The following PDE8A variants were observed in gnomAD, a reference collection of about 807,000 sequenced individuals.
The protein encoded by PDE8A is phosphodiesterase 8A, also known as high affinity cAMP-specific and IBMX-insensitive 3',5'-cyclic phosphodiesterase 8A.
In PDE8A, 59 loss-of-function variants were observed where a neutral mutation model predicts 105.0. That is an observed-to-expected ratio of 0.56 (90% CI 0.46 to 0.70). The LOEUF (loss-of-function observed/expected upper bound fraction) is 0.70. Ranked by LOEUF, PDE8A falls within the 30% of genes least tolerant of loss-of-function variation. PDE8A has a pLI of 0.00. For missense variants in PDE8A, 1,014 were observed against 1,045.9 expected (o/e 0.97, Z 0.42); for synonymous variants, 355 against 371.9 (o/e 0.95, Z 0.52).
intron 5 of PDE8A, among the ~76,000 whole-genome samples, chr15:85,083,343 A>C (rs534771537): frequency 6.6e-6 from 1 of 152,120 alleles, no homozygotes; most frequent in East Asian, 1.9e-4. Context: ...AGGCTACTAA[A>C]TGATAGAAGG....
At chr15:85,043,408 C>T (rs1439026259) in intron 1 of PDE8A, among the ~76,000 whole-genome samples, 1 of 152,082 alleles carries the variant, frequency 6.6e-6, no homozygotes, top group African/African-American at 2.4e-5. Context: ...AGTCTGGCCT[C>T]CATGATTTTA....
At chr15:85,066,027 AT>A (rs11308498) in intron 2 of PDE8A, among the ~76,000 whole-genome samples, 68,441 of 151,360 alleles carry the variant, frequency 0.45, 15,507 homozygotes, top group Middle Eastern at 0.56. Flanking sequence ...AATCAAAGCA[AT>A]TTTTTTTTTA....
chr15:85,115,184 T>G, intron 14 of PDE8A: 1 of 451,758 alleles, frequency 2.2e-6, no homozygotes, highest in Non-Finnish European at 3.9e-6. Context: ...ACCTCCCGGG[T>G]GTTGACCTTG....
chr15:85,050,790 C>T lies in PDE8A; in HGVS notation c.187-13580C>T, dbSNP rs144840046. Among the ~76,000 whole-genome samples, 14 of 152,120 alleles carry T rather than the reference C, an allele frequency of 9.2e-5. No homozygotes were observed. The East Asian group carries it at 2.7e-3, about 29-fold the overall frequency. ...TCTTTTCAGGATTGTTTTGGCTATTCGAGATCCCTTGAGATTCCATATGAA... is the reference window on the plus strand; with the variant it reads ...TCTTTTCAGGATTGTTTTGGCTATTTGAGATCCCTTGAGATTCCATATGAA... On this transcript the variant is annotated intron_variant, in intron 1 of 21. Coordinates refer to ENST00000394553, the MANE Select transcript of PDE8A (RefSeq NM_002605.3).
intron 1 of PDE8A, among the ~76,000 whole-genome samples, chr15:85,017,230 C>T (rs945534969): frequency 3.3e-5 from 5 of 150,350 alleles, no homozygotes; most frequent in South Asian, 4.2e-4. Context: ...CACTGCAGTC[C>T]GCAGTCCGGC....
intron 11 of PDE8A, among the ~76,000 whole-genome samples, chr15:85,103,538 G>C (rs1008753448): frequency 2.6e-5 from 4 of 152,216 alleles, no homozygotes; most frequent in Non-Finnish European, 4.4e-5. Flanking sequence ...CCATGGGCCA[G>C]CCAAAGTCCT....
intron 1 of PDE8A, among the ~76,000 whole-genome samples, chr15:85,051,812 A>G (rs1339158554): frequency 6.6e-6 from 1 of 152,100 alleles, no homozygotes; most frequent in East Asian, 1.9e-4. Context: ...ATGGCTGCAC[A>G]TACATGGCTT....
intron 2 of PDE8A, among the ~76,000 whole-genome samples, 172 bp downstream of exon 2, chr15:85,064,598 G>C (rs1047802102): frequency 3.9e-5 from 6 of 152,176 alleles, no homozygotes; most frequent in Non-Finnish European, 8.8e-5. Flanking sequence ...AGAATATCCT[G>C]TTCTTAGAAA....
At position 85,138,565 on chromosome 15, in the gene PDE8A, CTT is replaced by C. The variant is rs1306336054; in HGVS notation, c.*663_*664del. The C allele has an allele frequency of 1.3e-5, 2 of 152,620 alleles. No individual in the cohort carries two copies. Among genetic ancestry groups the C allele is most frequent in the African/African-American group, 2.4e-5 (1 of 41,442 alleles). The allele number at this position is 152,620 out of a possible 1,614,324, so 9.5% of individuals were successfully genotyped here. A position where few individuals can be genotyped will look rare whatever the true frequency, so the allele number is the denominator to read the frequency against. Reference sequence around the variant, plus strand: ...CATTATGCATTACTTGGTATACAGACTTATTTTCATAATGCAAATTAATAAAA... The same window carrying C: ...CATTATGCATTACTTGGTATACAGACATTTTCATAATGCAAATTAATAAAA... On this transcript the variant is annotated 3_prime_UTR_variant, in exon 22 of 22. Coordinates refer to ENST00000394553, the MANE Select transcript of PDE8A (RefSeq NM_002605.3).
At chr15:84,998,140 C>T (rs2080009891) in intron 1 of PDE8A, among the ~76,000 whole-genome samples, 1 of 152,106 alleles carries the variant, frequency 6.6e-6, no homozygotes, top group Non-Finnish European at 1.5e-5. Flanking sequence ...TGAGTGGGAC[C>T]TTTGACTTTA....
At position 85,109,899 on chromosome 15, in the gene PDE8A, T is replaced by C. The variant is rs138726219; in HGVS notation, c.1114+769T>C. Among the ~76,000 whole-genome samples the C allele has an allele frequency of 7.9e-3, 1,208 of 152,094 alleles. 18 individuals are homozygous for C. Among genetic ancestry groups the C allele is most frequent in the African/African-American group, 0.028 (1,141 of 41,484 alleles). ...CCCTGCTTTGAGGGCAGGATTGGGG[T>C]GGTGCCAGTGAGGAAGCGGTATGGG... is the stretch of plus-strand genomic sequence containing the variant. On this transcript the variant is annotated intron_variant, in intron 12 of 21. Coordinates refer to ENST00000394553, the MANE Select transcript of PDE8A (RefSeq NM_002605.3).
intron 12 of PDE8A, among the ~76,000 whole-genome samples, chr15:85,112,562 C>T (rs1008142576): frequency 5.9e-5 from 9 of 152,300 alleles, no homozygotes; most frequent in Non-Finnish European, 8.8e-5. Flanking sequence ...AAATTTAAAA[C>T]ATTTGAGACC....
rs756337128 is a variant in PDE8A at position 85,117,819 on chromosome 15, C to A, written c.1714C>A (p.Leu572Ile). ...TGTGCTTCATGCCACTGCCTATTTTCTCTCCAAGGAGAGGATAAAGGTGAG... is the reference window on the plus strand; with the variant it reads ...TGTGCTTCATGCCACTGCCTATTTTATCTCCAAGGAGAGGATAAAGGTGAG... Reference protein sequence around the residue: ...ADVLHATAYFLSKERIKETLD... With the variant: ...ADVLHATAYFISKERIKETLD... The change falls in exon 17 of 22, where the codon CTC becomes ATC. Residue 572 changes from leucine (L) to isoleucine (I), a missense_variant. Physicochemically the swap from Leu to Ile is conservative, Grantham distance 5. Coordinates refer to ENST00000394553, the MANE Select transcript of PDE8A (RefSeq NM_002605.3). 6.2e-7 allele frequency: 1 copy of A among 1,613,788 alleles called. No individual in the cohort carries two copies. Among genetic ancestry groups the A allele is most frequent in the South Asian group, 1.1e-5 (1 of 91,068 alleles).
In PDE8A at chr15:85,134,330, G is replaced by A. The variant is rs974845677; in HGVS notation, c.2254-2204G>A. Among the ~76,000 whole-genome samples, 7 of 152,176 alleles carry A rather than the reference G, an allele frequency of 4.6e-5. No individual in the cohort carries two copies. The South Asian group carries it at 1.4e-3, about 32-fold the overall frequency. On this transcript the variant is annotated intron_variant, in intron 20 of 21. Coordinates refer to ENST00000394553, the MANE Select transcript of PDE8A (RefSeq NM_002605.3). The stretch of plus-strand genomic sequence containing the variant: ...TTAGGGTCTAGCGTGACCAAGGGAG[G>A]GCACATCAGGAGAGCGCCCCGCCCA...
upstream of PDE8A, among the ~76,000 whole-genome samples, chr15:84,981,213 G>T (rs1422985946): frequency 1.3e-5 from 2 of 152,222 alleles, no homozygotes; most frequent in South Asian, 4.1e-4. Context: ...TTCCTTCTCT[G>T]GGTAGCCCAG....
At chr15:85,085,872 C>T (rs1459223207) in intron 6 of PDE8A, among the ~76,000 whole-genome samples, 2 of 151,322 alleles carry the variant, frequency 1.3e-5, no homozygotes, top group African/African-American at 2.4e-5. Context: ...ATTAGCTGGG[C>T]GTGGTGGCGC....
intron 1 of PDE8A, among the ~76,000 whole-genome samples, chr15:84,984,501 T>G (rs1261879307): frequency 3.3e-5 from 5 of 152,240 alleles, no homozygotes; most frequent in Admixed American, 2.0e-4. Context: ...TTACAAAATT[T>G]CTTATTAAAA....
intron 11 of PDE8A, among the ~76,000 whole-genome samples, chr15:85,108,186 G>A (rs1483245640): frequency 1.3e-5 from 2 of 152,204 alleles, no homozygotes; most frequent in Non-Finnish European, 2.9e-5. Flanking sequence ...GAAGCAAAGA[G>A]CAAGTGAAGA....
At position 85,016,518 on chromosome 15, in the gene PDE8A, C is replaced by G. The variant is rs564487107; in HGVS notation, c.186+34170C>G. Among the ~76,000 whole-genome samples the G allele has an allele frequency of 3.3e-5, 5 of 152,280 alleles. No homozygotes were observed. In the East Asian group the frequency reaches 9.6e-4, roughly 29 times the overall value. On this transcript the variant is annotated intron_variant, in intron 1 of 21. Coordinates refer to ENST00000394553, the MANE Select transcript of PDE8A (RefSeq NM_002605.3). ...TCTCTGTACTGTTCCATTAGTCTCT[C>G]TTTAATTATGTGCCACTACCACACT... is the stretch of plus-strand genomic sequence containing the variant.
Sources: allele counts gnomAD v4.1 joint callset (sites outside exome capture counted in the v4.1 genomes callset), GRCh38; gene constraint gnomAD v4.1.1; transcripts MANE v1.5; gene names NCBI Gene and HGNC (gene_info 2026-07-23, HGNC 2026-07-21).